FMNL2: variants seen among roughly 807,000 people sequenced by gnomAD.
FMNL2 encodes formin like 2, also known as formin-like protein 2.
A neutral mutation model predicts 130.2 loss-of-function variants in FMNL2; 51 were observed. The observed-to-expected ratio is 0.39, with a 90% CI of 0.31 to 0.49. The LOEUF (loss-of-function observed/expected upper bound fraction) is 0.49. Among genes scored for constraint, FMNL2 ranks in the 20% least tolerant of loss-of-function variants. The probability of loss-of-function intolerance (pLI) is 0.85; values close to 1 mark genes in which losing one functional copy is unlikely to be tolerated. For synonymous variants in FMNL2, 465 were observed against 467.1 expected (o/e 1.00, Z 0.06); for missense variants, 977 against 1,316.2 (o/e 0.74, Z 3.99).
chr2:152,440,674 C>T (rs1688004465), intron 1 of FMNL2, among the ~76,000 whole-genome samples: 1 of 152,186 alleles, frequency 6.6e-6, no homozygotes, highest in African/African-American at 2.4e-5. Context: ...TAAGTTGTTA[C>T]AGGTAGAGGC....
intron 1 of FMNL2, among the ~76,000 whole-genome samples, chr2:152,364,305 G>A (rs1683384693): frequency 1.0e-5 from 1 of 98,096 alleles, no homozygotes; most frequent in Admixed American, 1.3e-4. Context: ...CAGATCCTTA[G>A]ATATTAAGGT....
At chr2:152,373,358 A>T (rs35771051) in intron 1 of FMNL2, among the ~76,000 whole-genome samples, 11,738 of 152,088 alleles carry the variant, frequency 0.077, 497 homozygotes, top group African/African-American at 0.099. Flanking sequence ...GGGGAGTTTT[A>T]GTTTGTGCCA....
At chr2:152,552,161 A>G (rs1012192292) in intron 4 of FMNL2, among the ~76,000 whole-genome samples, 1 of 152,244 alleles carries the variant, frequency 6.6e-6, no homozygotes, top group Non-Finnish European at 1.5e-5. Context: ...GAATATTATA[A>G]GGATTAGATG....
At position 152,640,680 on chromosome 2, in the gene FMNL2, G is replaced by A. The variant is rs1372480232; in HGVS notation, c.3046-111G>A. The stretch of plus-strand genomic sequence containing the variant: ...TGAGCAGAATGTGGGATGTGTGTGT[G>A]TTTTTGGCCGAAGCTGCTTATTAGT... On this transcript the variant is annotated intron_variant, in intron 24 of 25. Transcript: ENST00000288670. 4 of 1,340,148 alleles carry A rather than the reference G, an allele frequency of 3.0e-6. No homozygotes were observed. In the Admixed American group the frequency reaches 1.1e-4, roughly 36 times the overall value. The allele number at this position is 1,340,148 out of a possible 1,614,324, so 83.0% of individuals were successfully genotyped here.
chr2:152,583,956 G>T (rs928379739), intron 9 of FMNL2, among the ~76,000 whole-genome samples: 1 of 152,140 alleles, frequency 6.6e-6, no homozygotes. Flanking sequence ...ACATGCCCCC[G>T]ACAAACTTAG....
At chr2:152,445,106 G>C (rs1405908751) in intron 1 of FMNL2, among the ~76,000 whole-genome samples, 1 of 152,236 alleles carries the variant, frequency 6.6e-6, no homozygotes, top group African/African-American at 2.4e-5. Context: ...GAGCCAGTTT[G>C]TGCTGATACT....
chr2:152,618,278 G>A lies in FMNL2; in HGVS notation c.1315-568G>A, dbSNP rs549337562. Among the ~76,000 whole-genome samples, 15 of 152,320 alleles carry A rather than the reference G, an allele frequency of 9.8e-5. No individual in the cohort carries two copies. In the South Asian group the frequency reaches 3.1e-3, roughly 32 times the overall value. On this transcript the variant is annotated intron_variant, in intron 13 of 25. Coordinates refer to ENST00000288670, the MANE Select transcript of FMNL2 (RefSeq NM_052905.4). ...GTTTTGTTAACCGCATTACCGATGG[G>A]AAAATGTTACAACAATCGCTATCCT...
intron 6 of FMNL2, among the ~76,000 whole-genome samples, chr2:152,564,782 T>TTTTTTG (rs1695732962): frequency 2.1e-5 from 3 of 145,450 alleles, no homozygotes; most frequent in African/African-American, 7.7e-5. Context: ...GTTGGTTTTT[T>TTTTTTG]TTTTTTTTTT....
chr2:152,435,122 T>G (rs1187196039), intron 1 of FMNL2, among the ~76,000 whole-genome samples: 1 of 152,182 alleles, frequency 6.6e-6, no homozygotes, highest in Non-Finnish European at 1.5e-5. Flanking sequence ...ATGGCCTAAA[T>G]TTTTTGACTC....
chr2:152,339,448 T>C (rs1365570136), intron 1 of FMNL2, among the ~76,000 whole-genome samples: 1 of 152,242 alleles, frequency 6.6e-6, no homozygotes, highest in African/African-American at 2.4e-5. Context: ...CACTGCATAA[T>C]ATTATTCACT....
chr2:152,378,448 G>A (rs1422618908), intron 1 of FMNL2, among the ~76,000 whole-genome samples: 2 of 152,118 alleles, frequency 1.3e-5, no homozygotes, highest in African/African-American at 4.8e-5. Flanking sequence ...AAATAAATCC[G>A]TTTGGCTGGC....
chr2:152,513,205 A>G (rs944308005), intron 1 of FMNL2, among the ~76,000 whole-genome samples: 19 of 152,208 alleles, frequency 1.2e-4, no homozygotes, highest in Admixed American at 1.2e-3. Context: ...TGTGAACACC[A>G]CAGAGAAATG....
intron 17 of FMNL2, among the ~76,000 whole-genome samples, 179 bp downstream of exon 17, chr2:152,626,906 TATG>T (rs1412726843): frequency 1.3e-5 from 2 of 152,224 alleles, no homozygotes; most frequent in African/African-American, 4.8e-5. Flanking sequence ...CAAAGTTGAA[TATG>T]ATGCCAACAC....
At chr2:152,505,919 A>G (rs543717301) in intron 1 of FMNL2, among the ~76,000 whole-genome samples, 2 of 152,208 alleles carry the variant, frequency 1.3e-5, no homozygotes, top group Non-Finnish European at 2.9e-5. Flanking sequence ...GAAAGGGGGC[A>G]TTGTTAATAA....
intron 9 of FMNL2, among the ~76,000 whole-genome samples, chr2:152,595,884 T>C (rs956609841): frequency 1.3e-5 from 2 of 152,108 alleles, no homozygotes; most frequent in East Asian, 3.9e-4. Context: ...AGAGAACAGT[T>C]AGGGGCTGTT....
At chr2:152,372,082 G>T (rs1236720327) in intron 1 of FMNL2, among the ~76,000 whole-genome samples, 1 of 152,178 alleles carries the variant, frequency 6.6e-6, no homozygotes, top group Non-Finnish European at 1.5e-5. Flanking sequence ...CACATGTCGG[G>T]TGTAGTATAT....
At chr2:152,349,270 A>G (rs529320162) in intron 1 of FMNL2, among the ~76,000 whole-genome samples, 16 of 152,310 alleles carry the variant, frequency 1.1e-4, no homozygotes, top group African/African-American at 3.6e-4. Context: ...TCCACTGTAA[A>G]CTAATGATGT....
At chr2:152,434,681 G>T (rs977293696) in intron 1 of FMNL2, among the ~76,000 whole-genome samples, 2 of 151,858 alleles carry the variant, frequency 1.3e-5, no homozygotes, top group African/African-American at 4.8e-5. Context: ...ACTCCTGCTT[G>T]CCCCAGAGGG....
chr2:152,575,238 T>G lies in FMNL2; in HGVS notation c.699T>G (p.Asn233Lys). Reference protein sequence around the residue: ...VCIMCLRAIMNYQYGFNMVMS... With the variant: ...VCIMCLRAIMKYQYGFNMVMS... ...TCATGTGTTTACGTGCCATCATGAA[T>G]TATCAGGTATGTTGGAGCTTCTGGT... Residue 233 changes from asparagine (N) to lysine (K), a missense_variant, in exon 7 of 26, where the codon AAT (asparagine) becomes AAG (lysine). Asn to Lys is a moderately conservative substitution (Grantham distance 94). This residue lies in a region of FMNL2 where 689 missense variants were observed against 995.9 expected (regional missense o/e 0.69). Transcript: ENST00000288670. The G allele has an allele frequency of 1.3e-6, 2 of 1,584,192 alleles. No individual in the cohort carries two copies. Among genetic ancestry groups the G allele is most frequent in the Non-Finnish European group, 1.7e-6 (2 of 1,160,974 alleles).
Sources: allele counts gnomAD v4.1 joint callset (sites outside exome capture counted in the v4.1 genomes callset), GRCh38; gene constraint gnomAD v4.1.1; regional missense constraint gnomAD v4.1.1; transcripts MANE v1.5; gene names NCBI Gene and HGNC (gene_info 2026-07-23, HGNC 2026-07-21).